EYA4: variants seen among roughly 807,000 people sequenced by gnomAD.
EYA4 encodes EYA transcriptional coactivator and phosphatase 4.
EYA4 carries 31 observed loss-of-function variants against 87.9 expected under a neutral mutation model. The ratio of observed to expected loss-of-function variants is 0.35; its 90% CI spans 0.27 to 0.48. The LOEUF is 0.48. EYA4 is among the 20% of genes least tolerant of loss of function. EYA4 has a pLI of 0.99. For missense variants in EYA4, 678 were observed against 761.4 expected (o/e 0.89, Z 1.29); for synonymous variants, 263 against 270.6 (o/e 0.97, Z 0.28).
chr6:133,316,187 G>A (rs35695920), intron 2 of EYA4, among the ~76,000 whole-genome samples: 8,842 of 152,032 alleles, frequency 0.058, 402 homozygotes, highest in South Asian at 0.091. Context: ...AAAACTTTAC[G>A]TTTTTCTCAG....
At chr6:133,298,028 C>CTT (rs147397977) in intron 2 of EYA4, among the ~76,000 whole-genome samples, 3 of 151,960 alleles carry the variant, frequency 2.0e-5, no homozygotes, top group South Asian at 2.1e-4. Context: ...TATTAGTTGC[C>CTT]TTTTTTTCTG....
chr6:133,487,690 G>A (rs1166722040), intron 13 of EYA4, among the ~76,000 whole-genome samples: 1 of 152,146 alleles, frequency 6.6e-6, no homozygotes, highest in Non-Finnish European at 1.5e-5. Context: ...CTGCTACCAA[G>A]ATTCATCACT....
chr6:133,281,438 C>T (rs9493578), intron 2 of EYA4, among the ~76,000 whole-genome samples: 8,779 of 152,100 alleles, frequency 0.058, 731 homozygotes, highest in African/African-American at 0.18. Flanking sequence ...CATATGTAAG[C>T]GAGAACATGT....
intron 2 of EYA4, among the ~76,000 whole-genome samples, chr6:133,314,003 A>G (rs183182630): frequency 2.6e-5 from 4 of 152,294 alleles, no homozygotes; most frequent in Middle Eastern, 3.4e-3. Context: ...TGAAGCTGTT[A>G]TCTTGAAAGC....
intron 2 of EYA4, among the ~76,000 whole-genome samples, chr6:133,363,947 T>C (rs1032208693): frequency 1.3e-5 from 2 of 152,198 alleles, no homozygotes; most frequent in Non-Finnish European, 1.5e-5. Flanking sequence ...GTGGCAGCTC[T>C]AATCTCCCAC....
At chr6:133,347,500 G>C (rs1583023070) in intron 2 of EYA4, among the ~76,000 whole-genome samples, 1 of 152,044 alleles carries the variant, frequency 6.6e-6, no homozygotes, top group Non-Finnish European at 1.5e-5. Flanking sequence ...ATGCCTCCCT[G>C]TGTCCTCCCC....
At chr6:133,312,199 G>A (rs1780273375) in intron 2 of EYA4, among the ~76,000 whole-genome samples, 1 of 152,132 alleles carries the variant, frequency 6.6e-6, no homozygotes, top group Non-Finnish European at 1.5e-5. Flanking sequence ...TGGCTAGAAG[G>A]CAGGAGCATT....
chr6:133,270,321 T>C (rs950156512), intron 1 of EYA4, among the ~76,000 whole-genome samples: 2 of 152,098 alleles, frequency 1.3e-5, no homozygotes, highest in Non-Finnish European at 2.9e-5. Flanking sequence ...AATACAGCTG[T>C]CCTTTGTATA....
intron 1 of EYA4, among the ~76,000 whole-genome samples, chr6:133,264,692 GT>G (rs1049125877): frequency 2.6e-5 from 4 of 152,200 alleles, no homozygotes; most frequent in African/African-American, 9.7e-5. Flanking sequence ...GAATCCAGAG[GT>G]TTAGCGTTTC....
chr6:133,442,142 G>T (rs1355202664), intron 3 of EYA4, among the ~76,000 whole-genome samples: 3 of 151,850 alleles, frequency 2.0e-5, no homozygotes, highest in Non-Finnish European at 4.4e-5. Flanking sequence ...TCATAAACAG[G>T]TCTGCTTTTA....
At chr6:133,411,044 G>A (rs1789186277) in intron 3 of EYA4, among the ~76,000 whole-genome samples, 1 of 151,584 alleles carries the variant, frequency 6.6e-6, no homozygotes, top group Admixed American at 6.6e-5. Flanking sequence ...AGACAGAGGG[G>A]GCTATGTGCT....
At chr6:133,475,876 G>T (rs1470451379) in intron 11 of EYA4, among the ~76,000 whole-genome samples, 1 of 152,144 alleles carries the variant, frequency 6.6e-6, no homozygotes, top group Non-Finnish European at 1.5e-5. Flanking sequence ...TTCCACCTGG[G>T]TGATTGCTCT....
intron 17 of EYA4, 122 bp from the exon 18 acceptor site, chr6:133,522,934 T>C: frequency 3.9e-6 from 3 of 774,256 alleles, no homozygotes; most frequent in Non-Finnish European, 6.6e-6. Flanking sequence ...TGATAGGCAA[T>C]AGTAATGAAT....
chr6:133,404,510 A>G (rs1361125974), intron 3 of EYA4, among the ~76,000 whole-genome samples: 1 of 152,128 alleles, frequency 6.6e-6, no homozygotes, highest in Non-Finnish European at 1.5e-5. Context: ...CGTATTACAA[A>G]TTTACTACAT....
chr6:133,251,988 C>T (rs569765521), intron 1 of EYA4, among the ~76,000 whole-genome samples: 3 of 152,290 alleles, frequency 2.0e-5, no homozygotes, highest in South Asian at 2.1e-4. Context: ...AGATACGCTT[C>T]ACACAGATTG....
chr6:133,531,519 T>TATGTA lies in EYA4; in HGVS notation c.*2715_*2719dup. On this transcript the variant is annotated 3_prime_UTR_variant, in exon 20 of 20. Transcript: ENST00000355286. Reference sequence around the variant, plus strand: ...GTAACTAAAGTGGGTTTTCGGCTATTATGTATACAGCTTGGTATATTACTA... The same window carrying TATGTA: ...GTAACTAAAGTGGGTTTTCGGCTATTATGTAATGTATACAGCTTGGTATATTACTA... 1 of 425,772 alleles carries TATGTA rather than the reference T, an allele frequency of 2.3e-6. No homozygotes were observed. The allele number at this position is 425,772 out of a possible 1,614,324, so 26.4% of individuals were successfully genotyped here.
In EYA4 at chr6:133,311,598, T is replaced by C. The variant is rs1780222397; in HGVS notation, c.33+36785T>C. Among the ~76,000 whole-genome samples, 3 of 150,946 alleles carry C rather than the reference T, an allele frequency of 2.0e-5. No individual in the cohort carries two copies. The South Asian group carries it at 6.2e-4, about 31-fold the overall frequency. On this transcript the variant is annotated intron_variant, in intron 2 of 19. Coordinates refer to ENST00000355286, the MANE Select transcript of EYA4 (RefSeq NM_004100.5). ...CCTCCCAAAATGCTGAGATTACAGG[T>C]CTGAGCCACTGCACCCGGCTTAAAT...
chr6:133,259,451 G>A (rs1399872089), intron 1 of EYA4, among the ~76,000 whole-genome samples: 1 of 152,140 alleles, frequency 6.6e-6, no homozygotes. Flanking sequence ...AGCTATAAGG[G>A]CAGTTTTTGG....
chr6:133,505,037 T>C (rs118181825), intron 13 of EYA4, among the ~76,000 whole-genome samples: 24 of 152,328 alleles, frequency 1.6e-4, no homozygotes, highest in Non-Finnish European at 3.5e-4. Flanking sequence ...GTCAGCTTTA[T>C]TCAAAACCTT....
Sources: gnomAD v4.1 joint callset for allele counts (sites outside exome capture counted in the v4.1 genomes callset) on GRCh38, gnomAD v4.1.1 for gene constraint, MANE v1.5 for transcripts, NCBI Gene and HGNC (gene_info 2026-07-23, HGNC 2026-07-21) for gene names.